The following ANOS1 variants were observed in gnomAD, a reference collection of about 807,000 sequenced individuals.
ANOS1 encodes the protein anosmin-1.
In ANOS1, 6 loss-of-function variants were observed where a neutral mutation model predicts 59.0. The ratio of observed to expected loss-of-function variants is 0.10; its 90% CI spans 0.06 to 0.20. The LOEUF (loss-of-function observed/expected upper bound fraction) is 0.20. Ranked by LOEUF, ANOS1 falls within the 10% of genes least tolerant of loss-of-function variation. The pLI is 1.00. For synonymous variants in ANOS1, 217 were observed against 223.4 expected, an observed-to-expected ratio of 0.97 and a Z score of 0.25; for missense variants, 433 against 542.3, an observed-to-expected ratio of 0.80 and a Z score of 2.00.
chrX:8,593,668 G>A (rs139005761), intron 4 of ANOS1, among the ~76,000 whole-genome samples: 1,929 of 111,372 alleles, frequency 0.017, 43 homozygotes, highest in African/African-American at 0.06. Flanking sequence ...ATAGACAGGT[G>A]GATAACAGAT....
At chrX:8,657,346 G>A (rs1408694970) in intron 2 of ANOS1, among the ~76,000 whole-genome samples, 1 of 111,981 alleles carries the variant, frequency 8.9e-6, no homozygotes, top group Non-Finnish European at 1.9e-5. Context: ...ATAATAGCCT[G>A]CAGTGAATCC....
chrX:8,649,732 T>C (rs1305990207), intron 2 of ANOS1, among the ~76,000 whole-genome samples: 2 of 111,777 alleles, frequency 1.8e-5, no homozygotes, highest in Non-Finnish European at 3.8e-5. Context: ...ATCTCAAATT[T>C]TGCCTGCATA....
At position 8,610,413 on chromosome X, in the gene ANOS1, C is replaced by T. The variant is rs892224601; in HGVS notation, c.319-13157G>A. The stretch of plus-strand genomic sequence containing the variant: ...AATCCACAGTGCAAGGAAGGCTAAT[C>T]CCAAGATAGCTCTGCAATTTTTCCA... On this transcript the variant is annotated intron_variant, in intron 3 of 13. Coordinates refer to ENST00000262648, the MANE Select transcript of ANOS1 (RefSeq NM_000216.4). Among the ~76,000 whole-genome samples, 6 of 111,658 alleles carry T rather than the reference C, an allele frequency of 5.4e-5. No homozygotes were observed. In the Admixed American group the frequency reaches 5.8e-4, roughly 11 times the overall value.
chrX:8,695,243 C>T (rs768163956), intron 2 of ANOS1, among the ~76,000 whole-genome samples: 1 of 111,847 alleles, frequency 8.9e-6, no homozygotes, highest in South Asian at 3.7e-4. Flanking sequence ...CCCCAGGAGG[C>T]GGAGGTTGCA....
chrX:8,730,235 G>A (rs191718156), intron 1 of ANOS1, among the ~76,000 whole-genome samples: 27 of 112,559 alleles, frequency 2.4e-4, no homozygotes, highest in African/African-American at 8.4e-4. Flanking sequence ...GGCATCTTAG[G>A]AGAGTGACTT....
At position 8,583,122 on chromosome X, in the gene ANOS1, C is replaced by CTT. The variant is rs35726224; in HGVS notation, c.856+2143_856+2144dup. 5.2e-3 allele frequency among the ~76,000 whole-genome samples: 500 copies of CTT among 95,730 alleles called. 4 individuals carry two copies. Among genetic ancestry groups the CTT allele is most frequent in the African/African-American group, 0.016 (425 of 26,603 alleles). The allele number at this position is 95,730 out of a possible 115,157, so 83.1% of individuals were successfully genotyped here. Reference sequence around the variant, plus strand: ...TCACTGTGACTGCTATGCTTTTGGCCTTTTTTTTTTTTTTTCCCAAATAGG... The same window carrying CTT: ...TCACTGTGACTGCTATGCTTTTGGCCTTTTTTTTTTTTTTTTTCCCAAATAGG... On this transcript the variant is annotated intron_variant, in intron 6 of 13. Transcript: ENST00000262648.
intron 2 of ANOS1, among the ~76,000 whole-genome samples, chrX:8,648,318 G>A (rs1203361662): frequency 1.8e-5 from 2 of 110,227 alleles, no homozygotes; most frequent in African/African-American, 3.3e-5. Context: ...AAAATTAGCC[G>A]GGCATGGTGG....
intron 5 of ANOS1, among the ~76,000 whole-genome samples, chrX:8,585,906 G>A (rs1930502595): frequency 9.0e-6 from 1 of 111,696 alleles, no homozygotes; most frequent in African/African-American, 3.3e-5. Flanking sequence ...CATCTATGAA[G>A]AACCAGTCCT....
At chrX:8,711,284 T>C (rs1249607096) in intron 1 of ANOS1, among the ~76,000 whole-genome samples, 1 of 112,555 alleles carries the variant, frequency 8.9e-6, no homozygotes, top group East Asian at 2.8e-4. Flanking sequence ...GAATGGCAAG[T>C]TAATAGCAAT....
At chrX:8,682,223 G>T (rs991368861) in intron 2 of ANOS1, among the ~76,000 whole-genome samples, 1 of 109,973 alleles carries the variant, frequency 9.1e-6, no homozygotes. Context: ...AAAACTACAA[G>T]TCATGGCTAA....
At chrX:8,585,067 T>C (rs1930487862) in intron 6 of ANOS1, among the ~76,000 whole-genome samples, 200 bp downstream of exon 6, 1 of 112,151 alleles carries the variant, frequency 8.9e-6, no homozygotes, top group African/African-American at 3.2e-5. Flanking sequence ...TTCTATGATA[T>C]ACTGCAGGTA....
intron 2 of ANOS1, among the ~76,000 whole-genome samples, chrX:8,639,727 C>T (rs753362730): frequency 2.0e-4 from 23 of 112,197 alleles, no homozygotes; most frequent in South Asian, 3.7e-4. Context: ...GCAAAAATAT[C>T]AGAATGGCAT....
At chrX:8,589,700 T>C (rs1390165817) in intron 4 of ANOS1, among the ~76,000 whole-genome samples, 2 of 112,048 alleles carry the variant, frequency 1.8e-5, no homozygotes, top group Admixed American at 9.5e-5. Flanking sequence ...TGCATAACCA[T>C]AGCAATGGGG....
At chrX:8,652,663 C>T (rs912555729) in intron 2 of ANOS1, among the ~76,000 whole-genome samples, 1 of 111,148 alleles carries the variant, frequency 9.0e-6, no homozygotes, top group Non-Finnish European at 1.9e-5. Flanking sequence ...CAAGCATCCT[C>T]ACCATGGCAA....
At chrX:8,560,647 A>G (rs994320258) in intron 8 of ANOS1, among the ~76,000 whole-genome samples, 1 of 112,732 alleles carries the variant, frequency 8.9e-6, no homozygotes, top group South Asian at 3.7e-4. Flanking sequence ...CTGAAGACGA[A>G]AAAACCAGCG....
At chrX:8,695,589 C>T (rs137938077) in intron 2 of ANOS1, among the ~76,000 whole-genome samples, 209 of 109,555 alleles carry the variant, frequency 1.9e-3, no homozygotes, top group African/African-American at 5.9e-3. Context: ...TCTGACTTCC[C>T]ACCAGACAAC....
At chrX:8,613,105 G>A (rs906865032) in intron 3 of ANOS1, among the ~76,000 whole-genome samples, 19 of 112,332 alleles carry the variant, frequency 1.7e-4, no homozygotes, top group African/African-American at 5.5e-4. Context: ...GGGGAATAAA[G>A]ATAAATCAAC....
chrX:8,684,708 G>T (rs1036418835), intron 2 of ANOS1, among the ~76,000 whole-genome samples: 3 of 107,707 alleles, frequency 2.8e-5, no homozygotes, highest in Non-Finnish European at 5.7e-5. Flanking sequence ...AAACACGAAA[G>T]CATGAATCTT....
At chrX:8,541,234 C>G (rs1036589190) in intron 9 of ANOS1, among the ~76,000 whole-genome samples, 1 of 106,349 alleles carries the variant, frequency 9.4e-6, no homozygotes, top group African/African-American at 3.4e-5. Flanking sequence ...GAAACCCCCT[C>G]TCTACTAACA....
Sources: allele counts gnomAD v4.1 joint callset (sites outside exome capture counted in the v4.1 genomes callset), GRCh38; gene constraint gnomAD v4.1.1; transcripts MANE v1.5; gene names NCBI Gene and HGNC (gene_info 2026-07-23, HGNC 2026-07-21).